Variants in NDUFAF2 observed in about 807,000 individuals in gnomAD.
NDUFAF2 encodes the protein NADH dehydrogenase [ubiquinone] 1 alpha subcomplex assembly factor 2.
NDUFAF2 carries 13 observed loss-of-function variants against 22.8 expected under a neutral mutation model. The ratio of observed to expected loss-of-function variants is 0.57; its 90% confidence interval spans 0.37 to 0.91. The LOEUF (loss-of-function observed/expected upper bound fraction) is 0.91, where lower values mean the gene tolerates loss of function less well. NDUFAF2 is among the 40% of genes least tolerant of loss of function. The pLI, the probability that NDUFAF2 is intolerant of heterozygous loss-of-function variation, is 0.01. For synonymous variants in NDUFAF2, 53 were observed against 64.2 expected (o/e 0.83, Z 0.84); for missense variants, 162 against 195.2 (o/e 0.83, Z 1.01).
At chr5:60,972,576 T>G (rs1750849256) in intron 1 of NDUFAF2, among the ~76,000 whole-genome samples, 1 of 152,136 alleles carries the variant, frequency 6.6e-6, no homozygotes, top group African/African-American at 2.4e-5. Flanking sequence ...CCTCTTTTCT[T>G]TATAAATTAC....
chr5:61,014,329 A>G (rs1751479954), intron 1 of NDUFAF2, among the ~76,000 whole-genome samples: 1 of 152,204 alleles, frequency 6.6e-6, no homozygotes, highest in Non-Finnish European at 1.5e-5. Context: ...TCTACATGCC[A>G]GGAGGGTGGC....
At chr5:61,111,582 G>A (rs1752841007) in intron 3 of NDUFAF2, among the ~76,000 whole-genome samples, 1 of 151,626 alleles carries the variant, frequency 6.6e-6, no homozygotes, top group South Asian at 2.1e-4. Context: ...GACCACAGGT[G>A]CTCGCCACTA....
At chr5:60,976,321 G>C (rs1320743558) in intron 1 of NDUFAF2, among the ~76,000 whole-genome samples, 2 of 147,358 alleles carry the variant, frequency 1.4e-5, no homozygotes, top group Non-Finnish European at 1.5e-5. Flanking sequence ...TTTTTTCTTA[G>C]CTTCTCTTAA....
At chr5:60,986,694 G>A (rs1419974441) in intron 1 of NDUFAF2, among the ~76,000 whole-genome samples, 2 of 152,098 alleles carry the variant, frequency 1.3e-5, no homozygotes, top group Non-Finnish European at 2.9e-5. Flanking sequence ...GCTTTGGGAG[G>A]CTGAGGTGGG....
At chr5:61,008,584 A>G (rs777999105) in intron 1 of NDUFAF2, among the ~76,000 whole-genome samples, 1 of 152,072 alleles carries the variant, frequency 6.6e-6, no homozygotes, top group African/African-American at 2.4e-5. Context: ...AATGCGGATG[A>G]TTTCACCTAT....
At chr5:61,058,643 G>A (rs1166688884) in intron 1 of NDUFAF2, among the ~76,000 whole-genome samples, 1 of 151,796 alleles carries the variant, frequency 6.6e-6, no homozygotes, top group Non-Finnish European at 1.5e-5. Context: ...CTTAACTCAT[G>A]TTATAATTTA....
At chr5:61,017,916 A>T (rs1218359870) in intron 1 of NDUFAF2, among the ~76,000 whole-genome samples, 4 of 151,758 alleles carry the variant, frequency 2.6e-5, no homozygotes, top group Non-Finnish European at 5.9e-5. Context: ...CACCCAGCTA[A>T]TTTTTTTGTA....
At chr5:61,055,477 T>C (rs1325680452) in intron 1 of NDUFAF2, among the ~76,000 whole-genome samples, 1 of 152,184 alleles carries the variant, frequency 6.6e-6, no homozygotes, top group Non-Finnish European at 1.5e-5. Flanking sequence ...AAAAACACTT[T>C]TTCAGGTGGG....
At chr5:60,961,105 G>A (rs987041398) in intron 1 of NDUFAF2, among the ~76,000 whole-genome samples, 11 of 152,064 alleles carry the variant, frequency 7.2e-5, no homozygotes, top group African/African-American at 2.7e-4. Context: ...ATGAGAGAGA[G>A]GATGAAGTTC....
At chr5:61,056,637 C>G (rs1752094738) in intron 1 of NDUFAF2, among the ~76,000 whole-genome samples, 1 of 151,692 alleles carries the variant, frequency 6.6e-6, no homozygotes, top group African/African-American at 2.4e-5. Context: ...CCTGTAATCC[C>G]AGCACTTTGG....
chr5:61,073,672 A>G (rs559391392), intron 2 of NDUFAF2, among the ~76,000 whole-genome samples: 5 of 152,342 alleles, frequency 3.3e-5, no homozygotes, highest in East Asian at 1.9e-4. Context: ...TCAACTCACA[A>G]TAACTCTATG....
At chr5:61,034,753 A>G (rs1751774389) in intron 1 of NDUFAF2, among the ~76,000 whole-genome samples, 1 of 152,200 alleles carries the variant, frequency 6.6e-6, no homozygotes, top group South Asian at 2.1e-4. Context: ...AAAGCCAAGG[A>G]CAGTTGCTCA....
chr5:61,004,816 A>G (rs920076189), intron 1 of NDUFAF2, among the ~76,000 whole-genome samples: 2 of 152,144 alleles, frequency 1.3e-5, no homozygotes, highest in African/African-American at 2.4e-5. Context: ...TTGACCCAAA[A>G]TAGTCCATTT....
At chr5:60,966,938 A>G (rs1750765350) in intron 1 of NDUFAF2, among the ~76,000 whole-genome samples, 1 of 152,112 alleles carries the variant, frequency 6.6e-6, no homozygotes, top group South Asian at 2.1e-4. Context: ...ATAGGGTAGT[A>G]TGAATATTTA....
intron 1 of NDUFAF2, among the ~76,000 whole-genome samples, chr5:61,066,310 C>G (rs1377989445): frequency 1.3e-5 from 2 of 151,920 alleles, no homozygotes; most frequent in African/African-American, 4.8e-5. Flanking sequence ...GTAACACAAT[C>G]TCTATCAAAA....
rs2111702457 is a variant in NDUFAF2 at position 61,053,299 on chromosome 5, C to T, written c.128-19826C>T. 2.0e-5 allele frequency among the ~76,000 whole-genome samples: 3 copies of T among 152,314 alleles called. 1 individual carries two copies. In the South Asian group the frequency reaches 6.2e-4, roughly 32 times the overall value. ...TTTTAGAGTCTGTTTGTTACTGCAG[C>T]TTAGCCAATCCCAATTAATACAATA... On this transcript the variant is annotated intron_variant, in intron 1 of 3. Coordinates refer to ENST00000296597, the MANE Select transcript of NDUFAF2 (RefSeq NM_174889.5).
At chr5:61,111,922 T>C (rs2111785144) in intron 3 of NDUFAF2, among the ~76,000 whole-genome samples, 1 of 151,458 alleles carries the variant, frequency 6.6e-6, no homozygotes, top group South Asian at 2.1e-4. Context: ...CCAGCCTAGT[T>C]TTTTTGTATT....
chr5:61,034,776 A>G (rs1475129921), intron 1 of NDUFAF2, among the ~76,000 whole-genome samples: 1 of 152,198 alleles, frequency 6.6e-6, no homozygotes, highest in Non-Finnish European at 1.5e-5. Flanking sequence ...TTAGTAAAAT[A>G]TAATACCAGA....
At chr5:61,058,358 T>C in intron 1 of NDUFAF2, among the ~76,000 whole-genome samples, 1 of 152,208 alleles carries the variant, frequency 6.6e-6, no homozygotes, top group East Asian at 1.9e-4. Context: ...TACTTGATTA[T>C]ATTATTTTAT....
Sources: gnomAD v4.1 joint callset for allele counts (sites outside exome capture counted in the v4.1 genomes callset) on GRCh38, gnomAD v4.1.1 for gene constraint, MANE v1.5 for transcripts, NCBI Gene and HGNC (gene_info 2026-07-23, HGNC 2026-07-21) for gene names.